SCLT1: variants seen among roughly 807,000 people sequenced by gnomAD.
SCLT1 encodes the protein sodium channel and clathrin linker 1.
A neutral mutation model predicts 112.8 loss-of-function variants in SCLT1; 78 were observed. That is an observed-to-expected ratio of 0.69 (90% CI 0.58 to 0.83). The LOEUF (loss-of-function observed/expected upper bound fraction) is 0.83, where lower values mean the gene tolerates loss of function less well. Ranked by LOEUF, SCLT1 falls within the 40% of genes least tolerant of loss-of-function variation. SCLT1 has a pLI of 0.00. For synonymous variants in SCLT1, 257 were observed against 254.7 expected, an observed-to-expected ratio of 1.01 and a Z score of -0.09; for missense variants, 747 against 770.4, an observed-to-expected ratio of 0.97 and a Z score of 0.36.
intron 12 of SCLT1, among the ~76,000 whole-genome samples, chr4:128,957,354 C>G (rs1739306161): frequency 6.6e-6 from 1 of 152,122 alleles, no homozygotes; most frequent in Admixed American, 6.5e-5. Flanking sequence ...GTGTTTCTAA[C>G]ACCCTTCTAA....
At chr4:128,925,106 C>T (rs1038974421) in intron 18 of SCLT1, among the ~76,000 whole-genome samples, 1 of 152,076 alleles carries the variant, frequency 6.6e-6, no homozygotes, top group African/African-American at 2.4e-5. Context: ...GGGAGCAGAT[C>T]CTTTCCTGGT....
intron 11 of SCLT1, among the ~76,000 whole-genome samples, chr4:128,962,861 C>T (rs1020984701): frequency 1.3e-5 from 2 of 152,072 alleles, no homozygotes; most frequent in Non-Finnish European, 2.9e-5. Context: ...TGAAGAAAAA[C>T]AATTGTATCT....
intron 2 of SCLT1, among the ~76,000 whole-genome samples, chr4:129,046,518 A>C (rs1579832038): frequency 6.6e-6 from 1 of 152,222 alleles, no homozygotes; most frequent in East Asian, 1.9e-4. Context: ...TGGTTAGTTC[A>C]TTCTTACTGA....
chr4:128,875,704 T>TAGTA (rs1253243245), intron 4 of SCLT1, among the ~76,000 whole-genome samples: 1 of 152,182 alleles, frequency 6.6e-6, no homozygotes, highest in East Asian at 1.9e-4. Flanking sequence ...ATTAGGCATT[T>TAGTA]AGTAAGTGGT....
chr4:128,877,477 C>T (rs945810384), intron 3 of SCLT1, among the ~76,000 whole-genome samples: 6 of 151,988 alleles, frequency 3.9e-5, no homozygotes, highest in East Asian at 1.9e-4. Context: ...GTCAGTAGTT[C>T]GAGACCAGCC....
At chr4:128,897,954 A>T (rs1054594692) in intron 18 of SCLT1, among the ~76,000 whole-genome samples, 1 of 152,218 alleles carries the variant, frequency 6.6e-6, no homozygotes. Flanking sequence ...AAAGGGATCA[A>T]CTCAACAAGA....
At chr4:128,945,907 T>C (rs1283290759) in intron 16 of SCLT1, 100 bp downstream of exon 16, 2 of 651,458 alleles carry the variant, frequency 3.1e-6, no homozygotes, top group Non-Finnish European at 5.1e-6. Flanking sequence ...ACATAAGATA[T>C]ATTGTAAGTC....
At chr4:129,069,745 T>C (rs1040489720) in intron 2 of SCLT1, among the ~76,000 whole-genome samples, 1 of 152,180 alleles carries the variant, frequency 6.6e-6, no homozygotes, top group Non-Finnish European at 1.5e-5. Context: ...ATGCCCTTTA[T>C]TTCTTTCTCT....
intron 5 of SCLT1, among the ~76,000 whole-genome samples, chr4:129,017,194 TG>T (rs573890962): frequency 8.6e-5 from 13 of 151,558 alleles, no homozygotes; most frequent in Non-Finnish European, 1.5e-4. Flanking sequence ...TGTTTTTTTG[TG>T]GGGGGGGAAT....
Position 129,093,332 on chromosome 4 carries a change from C to CT in SCLT1, c.-230dup, listed in dbSNP as rs1753026895. The CT allele has an allele frequency of 3.5e-6, 2 of 578,584 alleles. No homozygotes were observed. Among genetic ancestry groups the CT allele is most frequent in the Non-Finnish European group, 6.2e-6 (2 of 323,968 alleles). The allele number at this position is 578,584 out of a possible 1,614,324, so 35.8% of individuals were successfully genotyped here. On this transcript the variant is annotated 5_prime_UTR_variant, in exon 1 of 21. Transcript: ENST00000281142. ...GTGAGAGACTGAAGATTGCTGGGGA[C>CT]TCCACGTTCAACCGAATCCCACGCT...
rs570487985 is a variant in SCLT1, at chr4:129,052,700, T to C, written c.103-8649A>G. Among the ~76,000 whole-genome samples the C allele has an allele frequency of 5.9e-5, 9 of 152,302 alleles. No individual in the cohort carries two copies. The East Asian group carries it at 1.7e-3, about 29-fold the overall frequency. ...ATTAGCTCCTAGACTTATTAATTTTTTGAAGGGTTTTTTGTGTCTCTATCT... is the reference window on the plus strand; with the variant it reads ...ATTAGCTCCTAGACTTATTAATTTTCTGAAGGGTTTTTTGTGTCTCTATCT... On this transcript the variant is annotated intron_variant, in intron 2 of 20. Transcript: ENST00000281142.
Position 128,943,042 on chromosome 4 carries a change from CT to C in SCLT1, c.1585del (p.Ser529ValfsTer2). ...AGCCTCCAGGGCAATCTTCCTTAAA[CT>C]CTCAGTCTCTTTCCGTAACTGTTTA... ...ENKQLRKETE[S>X]LRKIALEAQK... is the part of the protein sequence containing the mutation. On this transcript the variant is annotated frameshift_variant, in exon 17 of 21. Transcript: ENST00000281142. LOFTEE classifies it high-confidence loss of function. 6.2e-7 allele frequency: 1 copy of C among 1,612,880 alleles called. No individual in the cohort carries two copies. The highest frequency in any genetic ancestry group is 1.7e-4 in the Middle Eastern group (1 of 6,058).
At chr4:128,938,584 CCTTA>C (rs1423241921) in intron 17 of SCLT1, among the ~76,000 whole-genome samples, 6 of 152,192 alleles carry the variant, frequency 3.9e-5, no homozygotes, top group Non-Finnish European at 5.9e-5. Flanking sequence ...TCCTTCCCTT[CCTTA>C]ATCTTCATCT....
intron 20 of SCLT1, among the ~76,000 whole-genome samples, chr4:128,885,549 T>G (rs981209342): frequency 6.6e-6 from 1 of 152,214 alleles, no homozygotes; most frequent in Non-Finnish European, 1.5e-5. Context: ...TGTTCCTCTG[T>G]GTGAATACTC....
intron 18 of SCLT1, among the ~76,000 whole-genome samples, chr4:128,920,254 A>G (rs1001418779): frequency 6.6e-6 from 1 of 152,202 alleles, no homozygotes; most frequent in South Asian, 2.1e-4. Context: ...ACACAAATCA[A>G]GAAATGTGAT....
At position 129,092,932 on chromosome 4, in the gene SCLT1, T is replaced by A. The variant is rs957209775; in HGVS notation, c.34+138A>T. On this transcript the variant is annotated intron_variant, in intron 1 of 20. Transcript: ENST00000281142. Reference sequence around the variant, plus strand: ...CACATCCTCACGTATAACATCAAGGTTTTTTTTTTCCTGCAACTAACTTCT... The same window carrying A: ...CACATCCTCACGTATAACATCAAGGATTTTTTTTTCCTGCAACTAACTTCT... 1.5e-5 allele frequency: 9 copies of A among 586,052 alleles called. No homozygotes were observed. In the African/African-American group the frequency reaches 1.8e-4, roughly 11 times the overall value. The allele number at this position is 586,052 out of a possible 1,614,324, so 36.3% of individuals were successfully genotyped here. A position where few individuals can be genotyped will look rare whatever the true frequency, so the allele number is the denominator to read the frequency against.
At chr4:128,954,127 T>C (rs560606283) in intron 13 of SCLT1, among the ~76,000 whole-genome samples, 2 of 152,208 alleles carry the variant, frequency 1.3e-5, no homozygotes, top group Admixed American at 6.5e-5. Context: ...ATGCCAATAG[T>C]ATATCATCAG....
At chr4:129,085,071 G>T (rs71613908) in intron 1 of SCLT1, among the ~76,000 whole-genome samples, 4,725 of 152,254 alleles carry the variant, frequency 0.031, 93 homozygotes, top group South Asian at 0.052. Context: ...ACTATCCACA[G>T]AGTGAACAGA....
At chr4:128,919,370 C>T (rs1288974318) in intron 18 of SCLT1, among the ~76,000 whole-genome samples, 1 of 152,048 alleles carries the variant, frequency 6.6e-6, no homozygotes, top group Non-Finnish European at 1.5e-5. Flanking sequence ...TTATTTGAAA[C>T]TAATGAGAAC....
Sources: gnomAD v4.1 joint callset for allele counts (sites outside exome capture counted in the v4.1 genomes callset) on GRCh38, gnomAD v4.1.1 for gene constraint, MANE v1.5 for transcripts, NCBI Gene and HGNC (gene_info 2026-07-23, HGNC 2026-07-21) for gene names.